PWWP2A: variants seen among roughly 807,000 people sequenced by gnomAD.
The protein encoded by PWWP2A is PWWP domain containing 2A.
PWWP2A carries 18 observed loss-of-function variants against 48.5 expected under a neutral mutation model. The ratio of observed to expected loss-of-function variants is 0.37; its 90% CI spans 0.26 to 0.55. The LOEUF (loss-of-function observed/expected upper bound fraction) is 0.55. Among genes scored for constraint, PWWP2A ranks in the 20% least tolerant of loss-of-function variants. The pLI is 0.81. For missense variants in PWWP2A, 867 were observed against 976.4 expected, an observed-to-expected ratio of 0.89 and a Z score of 1.49; for synonymous variants, 396 against 387.7, an observed-to-expected ratio of 1.02 and a Z score of -0.25.
chr5:160,094,111 T>C (rs770918535), intron 1 of PWWP2A, 46 bp from the exon 2 acceptor site: 2 of 1,494,670 alleles, frequency 1.3e-6, no homozygotes, highest in Non-Finnish European at 1.8e-6. Context: ...AGTTAACATC[T>C]ATAATTCAAT....
chr5:160,045,744 TTTTTA>T, the PWWP2A span, among the ~76,000 whole-genome samples: 1 of 151,794 alleles, frequency 6.6e-6, no homozygotes, highest in African/African-American at 2.4e-5. Context: ...TATTTTTTAT[TTTTTA>T]TTTTATTTTT....
rs548738606 is a variant in PWWP2A, at chr5:160,078,887, G to A, written c.1670-719C>T. Among the ~76,000 whole-genome samples the A allele has an allele frequency of 1.4e-4, 22 of 152,244 alleles. No individual in the cohort carries two copies. The highest frequency in any genetic ancestry group is 2.6e-4 in the Admixed American group (4 of 15,292). ...TCCAACAAGAAGCAGGACTCCAAGC[G>A]CACTGTTTATAAAGGGCAAGGCTTA... On this transcript the variant is annotated intron_variant, in intron 3 of 3. Coordinates refer to the PWWP2A transcript ENST00000456329. This position sits in a 1 kb window ranked among gnomAD's most constrained non-coding sequence, Gnocchi z 4.2.
intron 2 of PWWP2A, chr5:160,067,007 T>C (rs1378874314): frequency 4.6e-5 from 7 of 152,316 alleles, no homozygotes; most frequent in African/African-American, 1.7e-4. Context: ...ACTGCTGCTC[T>C]TCATCCTGGG....
chr5:160,059,435 G>A (rs1020583327), downstream of PWWP2A, among the ~76,000 whole-genome samples: 3 of 152,192 alleles, frequency 2.0e-5, no homozygotes, highest in Admixed American at 2.0e-4. Flanking sequence ...GTTGTGGCTG[G>A]TTTGATCTTC....
downstream of PWWP2A, among the ~76,000 whole-genome samples, chr5:160,057,955 T>C (rs1757586633): frequency 6.6e-6 from 1 of 152,200 alleles, no homozygotes; most frequent in South Asian, 2.1e-4. The surrounding 1 kb of genome is among the most constrained non-coding windows in gnomAD (Gnocchi z 4.4). Context: ...TTTGTAGAGA[T>C]GGGTTTTCAC....
In PWWP2A at chr5:160,092,012, G is replaced by GTATATATATATATATATATATATATA. The variant is rs1205569957; in HGVS notation, c.*369_*370insTATATATATATATATATATATATATA. The GTATATATATATATATATATATATATA allele has an allele frequency of 4.1e-6, 1 of 242,556 alleles. No individual in the cohort carries two copies. Among genetic ancestry groups the GTATATATATATATATATATATATATA allele is most frequent in the African/African-American group, 8.7e-5 (1 of 11,452 alleles). 15.0% of individuals were successfully genotyped at this position (242,556 alleles called of 1,614,324 possible). A position where few individuals can be genotyped will look rare whatever the true frequency, so the allele number is the denominator to read the frequency against. On this transcript the variant is annotated 3_prime_UTR_variant, in exon 2 of 2. Transcript: ENST00000307063. ...TATATGTGTGTATATATACATACAC[G>GTATATATATATATATATATATATATA]GATATATATATATACACACACACAC...
chr5:160,080,958 G>A (rs1754185059), intron 2 of PWWP2A, among the ~76,000 whole-genome samples: 1 of 152,164 alleles, frequency 6.6e-6, no homozygotes, highest in Admixed American at 6.5e-5. Flanking sequence ...AGACTTGAGA[G>A]CTGTGTAGAC....
At chr5:160,065,197 G>A (rs1753568965) in intron 4 of PWWP2A, 4 of 1,214,280 alleles carry the variant, frequency 3.3e-6, no homozygotes, top group Non-Finnish European at 4.7e-6. Flanking sequence ...GTAGAGCCCA[G>A]TGCTCCCTTG....
intron 1 of PWWP2A, among the ~76,000 whole-genome samples, chr5:160,103,985 C>T (rs1756581323): frequency 6.6e-6 from 1 of 151,594 alleles, no homozygotes; most frequent in Admixed American, 6.6e-5. Flanking sequence ...TTAGAAGGGC[C>T]TGGCGGTGTG....
intron 5 of PWWP2A, among the ~76,000 whole-genome samples, chr5:160,063,326 C>T (rs972203503): frequency 2.0e-5 from 3 of 152,164 alleles, no homozygotes; most frequent in African/African-American, 7.2e-5. Flanking sequence ...AAGCAATCCT[C>T]CTAACTCAGC....
chr5:160,084,583 C>G (rs553504238), intron 2 of PWWP2A, among the ~76,000 whole-genome samples: 35 of 152,166 alleles, frequency 2.3e-4, no homozygotes, highest in Admixed American at 2.0e-3. Flanking sequence ...CGTGCACCAC[C>G]GAGCCCACCT....
At chr5:160,059,940 TA>T (rs1477762025), downstream of PWWP2A, among the ~76,000 whole-genome samples, 4 of 152,182 alleles carry the variant, frequency 2.6e-5, no homozygotes, top group Non-Finnish European at 5.9e-5. Context: ...CTTCAATTTG[TA>T]AAAAACACAA....
chr5:160,091,514 C>T lies in PWWP2A; in HGVS notation c.*868G>A, dbSNP rs1033868842. On this transcript the variant is annotated 3_prime_UTR_variant, in exon 2 of 2. Transcript: ENST00000307063. ...GTACATCCAAAATGCAACAATTACACATATGACAATTAATTCACAAAGTAT... is the reference window on the plus strand; with the variant it reads ...GTACATCCAAAATGCAACAATTACATATATGACAATTAATTCACAAAGTAT... 2 of 980,892 alleles carry T rather than the reference C, an allele frequency of 2.0e-6. No homozygotes were observed. The highest frequency in any genetic ancestry group is 3.5e-5 in the African/African-American group (2 of 57,096). 60.8% of individuals were successfully genotyped at this position (980,892 alleles called of 1,614,324 possible). A position where few individuals can be genotyped will look rare whatever the true frequency, so the allele number is the denominator to read the frequency against.
At chr5:160,097,566 G>C (rs1411909588) in intron 1 of PWWP2A, among the ~76,000 whole-genome samples, 2 of 151,694 alleles carry the variant, frequency 1.3e-5, no homozygotes, top group African/African-American at 4.8e-5. Context: ...GGAGGTGAAA[G>C]TCGCAGTGAG....
the PWWP2A span, among the ~76,000 whole-genome samples, chr5:160,053,857 C>T: frequency 6.6e-6 from 1 of 152,190 alleles, no homozygotes; most frequent in African/African-American, 2.4e-5. Context: ...GAGCTATGTA[C>T]TCCTTGAGGG....
rs151087338 is a variant in PWWP2A at position 160,078,454 on chromosome 5, T to A, written c.1670-286A>T. On this transcript the variant is annotated intron_variant, in intron 3 of 3. Coordinates refer to the PWWP2A transcript ENST00000456329. This position sits in a 1 kb window ranked among gnomAD's most constrained non-coding sequence, Gnocchi z 4.2. The stretch of plus-strand genomic sequence containing the variant: ...ATCAATGTGCACTTGAGTGTTTTTT[T>A]AAAATACTTGCTTATAAATGCCTAG... Among the ~76,000 whole-genome samples the A allele has an allele frequency of 2.3e-3, 355 of 152,342 alleles. 2 individuals are homozygous for A. Among genetic ancestry groups the A allele is most frequent in the African/African-American group, 7.6e-3 (316 of 41,576 alleles).
chr5:160,089,327 C>T (rs575291599), downstream of PWWP2A, among the ~76,000 whole-genome samples: 7 of 152,152 alleles, frequency 4.6e-5, no homozygotes, highest in Non-Finnish European at 8.8e-5. Flanking sequence ...AGGATACAGG[C>T]GAATAGCTGG....
chr5:160,104,038 G>C (rs2546368), intron 1 of PWWP2A, among the ~76,000 whole-genome samples: 100,113 of 149,384 alleles, frequency 0.67, 33,591 homozygotes, highest in East Asian at 0.72. Context: ...CCAGGGTAAT[G>C]GCGTGAACCT....
At chr5:160,059,030 C>G (rs1405931003), downstream of PWWP2A, among the ~76,000 whole-genome samples, 1 of 152,128 alleles carries the variant, frequency 6.6e-6, no homozygotes, top group Non-Finnish European at 1.5e-5. Context: ...CTTAAGGGCC[C>G]TAAGATTTTT....
Sources: allele counts gnomAD v4.1 joint callset (sites outside exome capture counted in the v4.1 genomes callset), GRCh38; gene constraint gnomAD v4.1.1; non-coding constraint Gnocchi (gnomAD v3.1); transcripts MANE v1.5; gene names NCBI Gene and HGNC (gene_info 2026-07-23, HGNC 2026-07-21).